CNTN2: variants seen among roughly 807,000 people sequenced by gnomAD.
CNTN2 encodes contactin 2, also known as contactin-2.
A neutral mutation model predicts 117.5 loss-of-function variants in CNTN2; 53 were observed. The observed-to-expected ratio is 0.45, with a 90% CI of 0.36 to 0.57. The LOEUF (loss-of-function observed/expected upper bound fraction) is 0.57, where lower values mean the gene tolerates loss of function less well. CNTN2 is among the 20% of genes least tolerant of loss of function. The pLI, the probability that CNTN2 is intolerant of heterozygous loss-of-function variation, is 0.00. For synonymous variants in CNTN2, 530 were observed against 561.7 expected (o/e 0.94, Z 0.80); for missense variants, 1,106 against 1,404.3 (o/e 0.79, Z 3.39).
In CNTN2 at chr1:205,065,292, TCTCC is replaced by T. The variant is rs1430104135; in HGVS notation, c.1695+35_1695+38del. ...GACCTAGGGCCAGAGCCCCATGGCT[TCTCC>T]CTCCTTCTAGAGAGACAGGGGCCCC... is the stretch of plus-strand genomic sequence containing the variant. On this transcript the variant is annotated intron_variant, in intron 13 of 22. Coordinates refer to ENST00000331830, the MANE Select transcript of CNTN2 (RefSeq NM_005076.5). The surrounding 1 kb of genome is among the most constrained non-coding windows in gnomAD (Gnocchi z 4.1). The T allele has an allele frequency of 3.1e-6, 5 of 1,611,888 alleles. No homozygotes were observed. The highest frequency in any genetic ancestry group is 4.2e-6 in the Non-Finnish European group (5 of 1,178,702).
chr1:205,066,404 C>T, intron 14 of CNTN2, 37 bp from the exon 15 acceptor site: 1 of 1,603,612 alleles, frequency 6.2e-7, no homozygotes, highest in African/African-American at 1.3e-5. Context: ...GGAAGCTGCC[C>T]AATTCTGACC....
At chr1:205,064,126 A>AGGGGGGGGGGGGGGGGGGGGGG in intron 10 of CNTN2, among the ~76,000 whole-genome samples, 196 bp from the exon 11 acceptor site, 246 of 93,830 alleles carry the variant, frequency 2.6e-3, no homozygotes, top group Non-Finnish European at 4.3e-3. Context: ...TGAGGGGCGG[A>AGGGGGGGGGGGGGGGGGGGGGG]GGGGGGGCGC....
chr1:205,073,773 A>T lies in CNTN2; in HGVS notation c.*8A>T. 6.2e-7 allele frequency: 1 copy of T among 1,610,864 alleles called. No individual in the cohort carries two copies. Among genetic ancestry groups the T allele is most frequent in the Non-Finnish European group, 8.5e-7 (1 of 1,177,960 alleles). On this transcript the variant is annotated 3_prime_UTR_variant, in exon 23 of 23. Coordinates refer to ENST00000331830, the MANE Select transcript of CNTN2 (RefSeq NM_005076.5). This position sits in a 1 kb window ranked among gnomAD's most constrained non-coding sequence, Gnocchi z 6.3. ...GGCTCCCTGGAGCTCTGATCCTGGA[A>T]CCCCTCCCTCTGCGCCGCAGCTGGA...
chr1:205,059,426 C>A lies in CNTN2; in HGVS notation c.697+133C>A, dbSNP rs1653849456. On this transcript the variant is annotated intron_variant, in intron 6 of 22. Coordinates refer to ENST00000331830, the MANE Select transcript of CNTN2 (RefSeq NM_005076.5). This position sits in a 1 kb window ranked among gnomAD's most constrained non-coding sequence, Gnocchi z 5.6. Reference sequence around the variant, plus strand: ...ATTCCAGGCCCTGGACCCCCAGATCCTCCTGCTTCAAATCCTGAGGCCCTT... The same window carrying A: ...ATTCCAGGCCCTGGACCCCCAGATCATCCTGCTTCAAATCCTGAGGCCCTT... 8.7e-7 allele frequency: 1 copy of A among 1,155,362 alleles called. No homozygotes were observed. The highest frequency in any genetic ancestry group is 2.0e-5 in the Admixed American group (1 of 49,510). 71.6% of individuals were successfully genotyped at this position (1,155,362 alleles called of 1,614,324 possible). A position where few individuals can be genotyped will look rare whatever the true frequency, so the allele number is the denominator to read the frequency against.
In CNTN2 at chr1:205,074,271, C is replaced by T. The variant is rs1477390946; in HGVS notation, c.*506C>T. 6 of 406,410 alleles carry T rather than the reference C, an allele frequency of 1.5e-5. No homozygotes were observed. The highest frequency in any genetic ancestry group is 4.1e-5 in the Admixed American group (1 of 24,498). The allele number at this position is 406,410 out of a possible 1,614,324, so 25.2% of individuals were successfully genotyped here. On this transcript the variant is annotated 3_prime_UTR_variant, in exon 23 of 23. Coordinates refer to ENST00000331830, the MANE Select transcript of CNTN2 (RefSeq NM_005076.5). ...CCAAGAGCTCTCCCGCCTTCTCCCTCGAGCAGCAGCAAGGACCCTGACGCT... is the reference window on the plus strand; with the variant it reads ...CCAAGAGCTCTCCCGCCTTCTCCCTTGAGCAGCAGCAAGGACCCTGACGCT...
chr1:205,068,533 T>C (rs2151197556), intron 16 of CNTN2: 1 of 152,302 alleles, frequency 6.6e-6, no homozygotes, highest in African/African-American at 2.4e-5. Context: ...CTTTATTCTA[T>C]TTACAGCATC....
intron 1 of CNTN2, among the ~76,000 whole-genome samples, chr1:205,044,229 T>G (rs925287262): frequency 6.6e-6 from 1 of 152,088 alleles, no homozygotes; most frequent in South Asian, 2.1e-4. Flanking sequence ...GGGCAATCCT[T>G]CTGCCCAGCA....
chr1:205,063,951 A>G (rs1654124240), intron 10 of CNTN2, among the ~76,000 whole-genome samples: 1 of 152,164 alleles, frequency 6.6e-6, no homozygotes, highest in African/African-American at 2.4e-5. Context: ...AATGGGGGAT[A>G]GAGTGGAGCA....
rs1262628184 is a variant in CNTN2 at position 205,066,587 on chromosome 1, C to G, written c.1963C>G (p.Gln655Glu). The G allele has an allele frequency of 6.2e-7, 1 of 1,613,896 alleles. No individual in the cohort carries two copies. Among genetic ancestry groups the G allele is most frequent in the Non-Finnish European group, 8.5e-7 (1 of 1,179,968 alleles). ...CACTCCACCTGCAGGGAAGTGGAAG[C>G]AGGTTCGGACCAGTAAGTGTGAGCC... ...ARTPPAGKWK[Q>E]VRTNPANIEG... The change falls in exon 15 of 23, where the codon CAG becomes GAG. Residue 655 changes from glutamine (Q) to glutamate (E), a missense_variant. Gln to Glu is a conservative substitution (Grantham distance 29, BLOSUM62 2). Transcript: ENST00000331830.
intron 21 of CNTN2, 167 bp downstream of exon 21, chr1:205,072,762 T>A (rs1232610297): frequency 2.9e-6 from 2 of 685,286 alleles, no homozygotes; most frequent in African/African-American, 3.6e-5. Flanking sequence ...CTCAGTAACT[T>A]GCAGTAGAAA....
At chr1:205,066,015 G>C in intron 14 of CNTN2, 106 bp downstream of exon 14, 3 of 1,386,236 alleles carry the variant, frequency 2.2e-6, no homozygotes, top group East Asian at 4.9e-5. Context: ...AAGCTGCGGG[G>C]AAGGGCTTCC....
At chr1:205,053,502 G>T (rs1157437499) in intron 2 of CNTN2, among the ~76,000 whole-genome samples, 1 of 152,096 alleles carries the variant, frequency 6.6e-6, no homozygotes, top group African/African-American at 2.4e-5. Flanking sequence ...AGGGTGAGTG[G>T]CTTACCCTAG....
chr1:205,064,467 C>A lies in CNTN2; in HGVS notation c.1386C>A (p.Ser462Arg), dbSNP rs1028427597. Residue 462 changes from serine (S) to arginine (R), a missense_variant, in exon 11 of 23, where the codon AGC becomes AGA. Transcript: ENST00000331830. ...WSKGTEILVNSSRVTVTPDGT... is the reference protein window; with the variant it reads ...WSKGTEILVNRSRVTVTPDGT... ...AAGGCACGGAGATTTTGGTCAACAG[C>A]AGCAGGTACCACCCACACCCCACCC... The A allele has an allele frequency of 1.2e-6, 2 of 1,608,214 alleles. No individual in the cohort carries two copies. The highest frequency in any genetic ancestry group is 2.7e-5 in the African/African-American group (2 of 74,848).
Position 205,065,342 on chromosome 1 carries a change from C to T in CNTN2, c.1695+80C>T. The T allele has an allele frequency of 6.7e-7, 1 of 1,484,058 alleles. No individual in the cohort carries two copies. The highest frequency in any genetic ancestry group is 9.2e-7 in the Non-Finnish European group (1 of 1,082,522). The allele number at this position is 1,484,058 out of a possible 1,614,324, so 91.9% of individuals were successfully genotyped here. ...GCCCCAAGATGTCCTTAGCCATCCT[C>T]ACCTTTAAGAAACCCATAGCCTAAG... is the stretch of plus-strand genomic sequence containing the variant. On this transcript the variant is annotated intron_variant, in intron 13 of 22. Coordinates refer to ENST00000331830, the MANE Select transcript of CNTN2 (RefSeq NM_005076.5). This position sits in a 1 kb window ranked among gnomAD's most constrained non-coding sequence, Gnocchi z 4.1.
At chr1:205,072,663 G>A in intron 21 of CNTN2, 68 bp downstream of exon 21, 1 of 1,208,136 alleles carries the variant, frequency 8.3e-7, no homozygotes, top group Non-Finnish European at 1.2e-6. Context: ...GTGAACATAA[G>A]CAGCAGCAAT....
rs1183769918 is a variant in CNTN2 at position 205,062,487 on chromosome 1, C to T, written c.1158C>T (p.Ser386=). The T allele has an allele frequency of 1.2e-6, 2 of 1,613,962 alleles. No individual in the cohort carries two copies. Among genetic ancestry groups the T allele is most frequent in the Non-Finnish European group, 1.7e-6 (2 of 1,179,996 alleles). Residue 386 remains serine (S), a synonymous_variant, in exon 10 of 23, where the codon AGC becomes AGT. Coordinates refer to ENST00000331830, the MANE Select transcript of CNTN2 (RefSeq NM_005076.5). ...LAGDLRFSKL[S]LEDSGMYQCV... ...GGGACCTGCGGTTCTCCAAGCTGAG[C>T]CTGGAAGACTCGGGCATGTACCAGT...
In CNTN2 at chr1:205,059,187, C is replaced by A. The variant is rs1488401491; in HGVS notation, c.591C>A (p.Thr197=). 13 of 1,614,094 alleles carry A rather than the reference C, an allele frequency of 8.1e-6. No homozygotes were observed. The highest frequency in any genetic ancestry group is 1.1e-5 in the Non-Finnish European group (13 of 1,180,042). The change falls in exon 6 of 23, where the codon ACC becomes ACA. Residue 197 remains threonine (T), a synonymous_variant. Transcript: ENST00000331830. This position sits in a 1 kb window ranked among gnomAD's most constrained non-coding sequence, Gnocchi z 5.6. ...CAGGGAACCTGTACATTGCCCGAAC[C>A]AATGCCTCAGACCTGGGCAACTACT... ...QTTGNLYIAR[T]NASDLGNYSC...
Position 205,059,491 on chromosome 1 carries a change from AG to A in CNTN2, c.698-91del. The A allele has an allele frequency of 7.6e-7, 1 of 1,311,870 alleles. No homozygotes were observed. Among genetic ancestry groups the A allele is most frequent in the Non-Finnish European group, 1.1e-6 (1 of 910,562 alleles). The allele number at this position is 1,311,870 out of a possible 1,614,324, so 81.3% of individuals were successfully genotyped here. A position where few individuals can be genotyped will look rare whatever the true frequency, so the allele number is the denominator to read the frequency against. ...GGAGATTCCACACAGCTGCCTAGAC[AG>A]AGTTGGCTCTGAAAGGTGCTGAGAT... On this transcript the variant is annotated intron_variant, in intron 6 of 22. Transcript: ENST00000331830. This position sits in a 1 kb window ranked among gnomAD's most constrained non-coding sequence, Gnocchi z 5.6.
chr1:205,044,839 T>C (rs1439532892), intron 1 of CNTN2, among the ~76,000 whole-genome samples: 2 of 152,158 alleles, frequency 1.3e-5, no homozygotes, highest in Non-Finnish European at 2.9e-5. Context: ...CCCTCACTCC[T>C]GGCCTTGGGA....
Sources: gnomAD v4.1 joint callset for allele counts (sites outside exome capture counted in the v4.1 genomes callset) on GRCh38, gnomAD v4.1.1 for gene constraint, Gnocchi (gnomAD v3.1) non-coding constraint, MANE v1.5 for transcripts, NCBI Gene and HGNC (gene_info 2026-07-23, HGNC 2026-07-21) for gene names.